The following ETV5 variants were observed in gnomAD, a reference collection of about 807,000 sequenced individuals.
The protein encoded by ETV5 is ETS variant transcription factor 5, also known as ETS translocation variant 5.
A neutral mutation model predicts 70.0 loss-of-function variants in ETV5; 10 were observed. The observed-to-expected ratio is 0.14, with a 90% confidence interval of 0.09 to 0.24. The LOEUF is 0.24. ETV5 is among the 10% of genes least tolerant of loss of function. The probability of loss-of-function intolerance (pLI) is 1.00; values close to 1 mark genes in which losing one functional copy is unlikely to be tolerated. For missense variants in ETV5, 453 were observed against 651.2 expected, an observed-to-expected ratio of 0.70 and a Z score of 3.31; for synonymous variants, 216 against 242.2, an observed-to-expected ratio of 0.89 and a Z score of 1.01.
chr3:186,086,654 C>G (rs1392567517), intron 5 of ETV5, among the ~76,000 whole-genome samples: 1 of 151,972 alleles, frequency 6.6e-6, no homozygotes, highest in East Asian at 1.9e-4. Context: ...CAATAAAAGA[C>G]ATATAAGATG....
chr3:186,107,314 A>G (rs1714612240), intron 1 of ETV5, among the ~76,000 whole-genome samples: 1 of 152,234 alleles, frequency 6.6e-6, no homozygotes, highest in Non-Finnish European at 1.5e-5. Flanking sequence ...AACCGTATAC[A>G]AAATCTGAGA....
At chr3:186,107,920 C>A (rs1243957574) in intron 1 of ETV5, among the ~76,000 whole-genome samples, 1 of 151,538 alleles carries the variant, frequency 6.6e-6, no homozygotes, top group Non-Finnish European at 1.5e-5. Flanking sequence ...CCCCCATTTC[C>A]AACGCACGCC....
At chr3:186,075,316 C>A (rs1219133238) in intron 7 of ETV5, among the ~76,000 whole-genome samples, 1 of 152,228 alleles carries the variant, frequency 6.6e-6, no homozygotes, top group Non-Finnish European at 1.5e-5. Flanking sequence ...ATGCATCAGG[C>A]ACATTCACTT....
chr3:186,056,211 T>C (rs1220952680), intron 11 of ETV5, among the ~76,000 whole-genome samples: 1 of 152,170 alleles, frequency 6.6e-6, no homozygotes, highest in Non-Finnish European at 1.5e-5. Context: ...ACAGTGTTTT[T>C]TTCCTATTAA....
chr3:186,065,152 G>T (rs1367804719), intron 8 of ETV5, among the ~76,000 whole-genome samples: 1 of 152,122 alleles, frequency 6.6e-6, no homozygotes, highest in Non-Finnish European at 1.5e-5. Context: ...GTCCATGTGG[G>T]ATGAGCCATC....
At chr3:186,051,693 T>G (rs1713036706) in intron 12 of ETV5, among the ~76,000 whole-genome samples, 1 of 152,324 alleles carries the variant, frequency 6.6e-6, no homozygotes, top group South Asian at 2.1e-4. Context: ...GACCTTCAAG[T>G]TGATTCCCTG....
Position 186,105,966 on chromosome 3 carries a change from T to C in ETV5, c.-74-24A>G. 6.7e-7 allele frequency: 1 copy of C among 1,494,276 alleles called. No homozygotes were observed. Among genetic ancestry groups the C allele is most frequent in the South Asian group, 1.2e-5 (1 of 81,598 alleles). The allele number at this position is 1,494,276 out of a possible 1,614,324, so 92.6% of individuals were successfully genotyped here. A position where few individuals can be genotyped will look rare whatever the true frequency, so the allele number is the denominator to read the frequency against. ...TCCTGTAATATGAATTTGGGAGATT[T>C]TAACTAAGAGGGGGGAAAAAAAGAA... On this transcript the variant is annotated intron_variant, in intron 1 of 12. Coordinates refer to ENST00000306376, the MANE Select transcript of ETV5 (RefSeq NM_004454.3). The surrounding 1 kb of genome is among the most constrained non-coding windows in gnomAD (Gnocchi z 4.5).
chr3:186,050,216 A>C (rs1047647623), intron 12 of ETV5, among the ~76,000 whole-genome samples: 4 of 152,018 alleles, frequency 2.6e-5, no homozygotes, highest in Non-Finnish European at 5.9e-5. Flanking sequence ...ACTTTCCTCA[A>C]ATCATACAGC....
At chr3:186,056,982 C>T in intron 11 of ETV5, 93 bp downstream of exon 11, 1 of 1,443,538 alleles carries the variant, frequency 6.9e-7, no homozygotes, top group South Asian at 1.3e-5. Context: ...CAAGAGCAGA[C>T]TTGACACAAA....
At chr3:186,067,809 GA>G (rs1713488812) in intron 7 of ETV5, among the ~76,000 whole-genome samples, 1 of 152,076 alleles carries the variant, frequency 6.6e-6, no homozygotes, top group Non-Finnish European at 1.5e-5. Flanking sequence ...AAACCAGGGG[GA>G]AAGAATCTGC....
chr3:186,102,965 A>G (rs1295242905), intron 5 of ETV5, among the ~76,000 whole-genome samples: 1 of 152,176 alleles, frequency 6.6e-6, no homozygotes, highest in Non-Finnish European at 1.5e-5. Context: ...TCAAAGATGC[A>G]CCACCCACAT....
chr3:186,088,581 C>A (rs1714111117), intron 5 of ETV5, among the ~76,000 whole-genome samples: 1 of 152,076 alleles, frequency 6.6e-6, no homozygotes. Context: ...GAGACACCTG[C>A]CCATACTATT....
intron 5 of ETV5, chr3:186,104,864 C>A (rs925255349): frequency 6.5e-6 from 1 of 154,016 alleles, no homozygotes; most frequent in African/African-American, 2.4e-5. Flanking sequence ...GCCTCAGCCT[C>A]CTGAGTAGCT....
At chr3:186,085,260 T>C (rs1714029807) in intron 5 of ETV5, among the ~76,000 whole-genome samples, 1 of 151,668 alleles carries the variant, frequency 6.6e-6, no homozygotes, top group Admixed American at 6.6e-5. Context: ...AAAGAGAGAA[T>C]AAAAGATAAA....
rs1713058112 is a variant in ETV5, at chr3:186,052,551, T to C, written c.1210-420A>G. ...AAACATTAGAAACACACTAGTGAGT[T>C]GCTAATGGGCCAGCAGAGCAAAAGT... is the stretch of plus-strand genomic sequence containing the variant. On this transcript the variant is annotated intron_variant, in intron 11 of 12. Transcript: ENST00000306376. This position sits in a 1 kb window ranked among gnomAD's most constrained non-coding sequence, Gnocchi z 4.5. Among the ~76,000 whole-genome samples the C allele has an allele frequency of 6.6e-6, 1 of 152,214 alleles. No individual in the cohort carries two copies.
At chr3:186,084,159 T>C (rs1368097691) in intron 5 of ETV5, 6 of 432,348 alleles carry the variant, frequency 1.4e-5, no homozygotes, top group Admixed American at 5.6e-5. Context: ...CTTTCAAAAA[T>C]AGTATTTACC....
At position 186,046,669 on chromosome 3, in the gene ETV5, C is replaced by CAAA. The variant is rs151192919; in HGVS notation, c.*1967_*1969dup. 3.4e-4 allele frequency: 25 copies of CAAA among 73,502 alleles called. No homozygotes were observed. The highest frequency in any genetic ancestry group is 5.2e-4 in the East Asian group (4 of 7,724). 4.6% of individuals were successfully genotyped at this position (73,502 alleles called of 1,614,324 possible). On this transcript the variant is annotated 3_prime_UTR_variant, in exon 13 of 13. Transcript: ENST00000306376. ...ATTGCTAAGACAGCATAAATCCATT[C>CAAA]AAAAGAAAAAAAAAAAAAATCCAAA...
Position 186,081,158 on chromosome 3 carries a change from G to A in ETV5, c.250C>T (p.Pro84Ser). 1 of 1,613,394 alleles carries A rather than the reference G, an allele frequency of 6.2e-7. No individual in the cohort carries two copies. The highest frequency in any genetic ancestry group is 8.5e-7 in the Non-Finnish European group (1 of 1,179,600). The change falls in exon 6 of 13, where the codon CCT becomes TCT. Residue 84 changes from proline (P) to serine (S), a missense_variant. Coordinates refer to ENST00000306376, the MANE Select transcript of ETV5 (RefSeq NM_004454.3). ...AGCTCCCGTTTGATCTTGGTTGGAG[G>A]TGGGGCATGAAGCACCACTGAAATC... ...QSDNLVLHAP[P>S]PTKIKRELHS... is the part of the protein sequence containing the mutation.
chr3:186,067,471 G>A lies in ETV5; in HGVS notation c.651-1399C>T, dbSNP rs530062636. The stretch of plus-strand genomic sequence containing the variant: ...AAAAAAACCTAAAAAAATTAGCCAG[G>A]CGTGGTTTTGTGCACCTGTAATCCC... On this transcript the variant is annotated intron_variant, in intron 7 of 12. Coordinates refer to ENST00000306376, the MANE Select transcript of ETV5 (RefSeq NM_004454.3). 2.6e-5 allele frequency among the ~76,000 whole-genome samples: 4 copies of A among 152,114 alleles called. No homozygotes were observed. The South Asian group carries it at 8.3e-4, about 32-fold the overall frequency.
Sources: gnomAD v4.1 joint callset for allele counts (sites outside exome capture counted in the v4.1 genomes callset) on GRCh38, gnomAD v4.1.1 for gene constraint, Gnocchi (gnomAD v3.1) non-coding constraint, MANE v1.5 for transcripts, NCBI Gene and HGNC (gene_info 2026-07-23, HGNC 2026-07-21) for gene names.